Variants in SPICE1 observed in about 807,000 individuals in gnomAD.
SPICE1 encodes the protein spindle and centriole associated protein 1.
A neutral mutation model predicts 102.7 loss-of-function variants in SPICE1; 75 were observed. The observed-to-expected ratio is 0.73, with a 90% CI of 0.61 to 0.88. The LOEUF (loss-of-function observed/expected upper bound fraction) is 0.88, where lower values mean the gene tolerates loss of function less well. Ranked by LOEUF, SPICE1 falls within the 40% of genes least tolerant of loss-of-function variation. The pLI is 0.00. For synonymous variants in SPICE1, 308 were observed against 350.3 expected (o/e 0.88, Z 1.35); for missense variants, 979 against 1,020.1 (o/e 0.96, Z 0.55).
At chr3:113,480,508 T>A (rs962512344) in intron 7 of SPICE1, among the ~76,000 whole-genome samples, 2 of 152,016 alleles carry the variant, frequency 1.3e-5, no homozygotes, top group South Asian at 2.1e-4. Context: ...AAATAACACA[T>A]CATGGCCAAA....
chr3:113,452,693 A>G (rs1047498531), intron 14 of SPICE1, among the ~76,000 whole-genome samples: 6 of 137,494 alleles, frequency 4.4e-5, no homozygotes, highest in Non-Finnish European at 6.3e-5. Flanking sequence ...CAAAAAAACA[A>G]AACAGGCTGG....
intron 10 of SPICE1, among the ~76,000 whole-genome samples, chr3:113,466,007 T>C (rs1936047263): frequency 6.6e-6 from 1 of 152,234 alleles, no homozygotes; most frequent in South Asian, 2.1e-4. Context: ...AAATGCTATA[T>C]AAAATTAAGT....
intron 4 of SPICE1, among the ~76,000 whole-genome samples, chr3:113,497,707 C>CTTTTTT (rs1165475734): frequency 3.3e-5 from 3 of 91,336 alleles, no homozygotes; most frequent in Non-Finnish European, 6.1e-5. Flanking sequence ...AGAAAGAGAG[C>CTTTTTT]TTTTTTTTTT....
intron 3 of SPICE1, 61 bp from the exon 4 acceptor site, chr3:113,499,643 G>T (rs1173114337): frequency 2.7e-6 from 4 of 1,460,046 alleles, no homozygotes; most frequent in Non-Finnish European, 3.6e-6. Flanking sequence ...TGCCTATTCA[G>T]ATGATGAGAT....
intron 13 of SPICE1, among the ~76,000 whole-genome samples, chr3:113,454,846 ATGACTGATAACAAGAACT>A (rs1935744921): frequency 1.3e-5 from 2 of 152,190 alleles, no homozygotes; most frequent in South Asian, 4.1e-4. Context: ...TCAGGCATGT[ATGACTGATAACAAGAACT>A]GTTCAAGAGA....
Position 113,499,492 on chromosome 3 carries a change from G to C in SPICE1, c.238C>G (p.Gln80Glu). ...EKALKRKWRKQKPETLNLEKR... is the reference protein window; with the variant it reads ...EKALKRKWRKEKPETLNLEKR... The stretch of plus-strand genomic sequence containing the variant: ...TCAAGATTTAAAGTTTCTGGTTTCT[G>C]CTTCCTCCATTTTCTCTTCAAAGCT... The change falls in exon 4 of 18, where the codon CAG becomes GAG. Residue 80 changes from glutamine to glutamate, a missense_variant. Gln to Glu is a conservative substitution (Grantham distance 29). Transcript: ENST00000295872. The C allele has an allele frequency of 6.2e-7, 1 of 1,613,112 alleles. No individual in the cohort carries two copies. Among genetic ancestry groups the C allele is most frequent in the Non-Finnish European group, 8.5e-7 (1 of 1,179,712 alleles).
In SPICE1 at chr3:113,515,061, A is replaced by T. The variant is rs1937296695; in HGVS notation, c.-165T>A. 1 of 207,082 alleles carries T rather than the reference A, an allele frequency of 4.8e-6. No homozygotes were observed. The highest frequency in any genetic ancestry group is 9.9e-6 in the Non-Finnish European group (1 of 101,480). 12.8% of individuals were successfully genotyped at this position (207,082 alleles called of 1,614,324 possible). On this transcript the variant is annotated 5_prime_UTR_variant, in exon 1 of 18. Coordinates refer to ENST00000295872, the MANE Select transcript of SPICE1 (RefSeq NM_144718.4). ...TGGGACTGCGAGCTGCAAGCCTCAG[A>T]TCCATCATCTCAACCTGCCTTGCAG...
Position 113,468,141 on chromosome 3 carries a change from C to T in SPICE1, c.1153G>A (p.Glu385Lys). 2 of 1,614,144 alleles carry T rather than the reference C, an allele frequency of 1.2e-6. No homozygotes were observed. The highest frequency in any genetic ancestry group is 1.7e-6 in the Non-Finnish European group (2 of 1,180,016). The change falls in exon 10 of 18, where the codon GAG (glutamate) becomes AAG (lysine). Residue 385 changes from glutamate to lysine, a missense_variant and splice_region_variant. By Grantham distance (56) the Glu-to-Lys change is moderately conservative (BLOSUM62 1). Coordinates refer to ENST00000295872, the MANE Select transcript of SPICE1 (RefSeq NM_144718.4). ...SLCRLVRYLK[E>K]SEIQLRKEVE... Reference sequence around the variant, plus strand: ...CTCTACTAACCTAATGTCCTTACCTCTTTAAGGTACCGAACCAGGCGACAG... The same window carrying T: ...CTCTACTAACCTAATGTCCTTACCTTTTTAAGGTACCGAACCAGGCGACAG...
intron 1 of SPICE1, among the ~76,000 whole-genome samples, chr3:113,510,160 G>A (rs1389260778): frequency 6.6e-6 from 1 of 152,092 alleles, no homozygotes; most frequent in East Asian, 1.9e-4. Context: ...AATGAGACTG[G>A]AAGAATCAAT....
Position 113,453,932 on chromosome 3 carries a change from T to C in SPICE1, c.1676A>G (p.Gln559Arg). ...AGGAAGTCGTGGAGCAGGACGAGTT[T>C]GAACAGTCCTTCTCAATACTATAGA... Reference protein sequence around the residue: ...PLQDVLRRTVQTRPAPRLPPT... With the variant: ...PLQDVLRRTVRTRPAPRLPPT... The change falls in exon 14 of 18, where the codon CAA becomes CGA. Residue 559 changes from glutamine (Q) to arginine (R), a missense_variant. Gln to Arg is a conservative substitution (Grantham distance 43, BLOSUM62 1). Coordinates refer to ENST00000295872, the MANE Select transcript of SPICE1 (RefSeq NM_144718.4). 1.2e-6 allele frequency: 2 copies of C among 1,612,962 alleles called. No individual in the cohort carries two copies. Among genetic ancestry groups the C allele is most frequent in the Non-Finnish European group, 8.5e-7 (1 of 1,179,332 alleles).
intron 11 of SPICE1, among the ~76,000 whole-genome samples, chr3:113,464,570 T>A (rs573927121): frequency 5.9e-4 from 90 of 152,252 alleles, no homozygotes; most frequent in East Asian, 4.1e-3. Context: ...TTATCAATTT[T>A]AAAAAATTAT....
chr3:113,471,155 A>C (rs1936186584), intron 7 of SPICE1, among the ~76,000 whole-genome samples: 1 of 152,206 alleles, frequency 6.6e-6, no homozygotes, highest in Non-Finnish European at 1.5e-5. Flanking sequence ...ATAATGCCTG[A>C]AGATATTCCA....
chr3:113,470,865 C>T (rs970868985), intron 7 of SPICE1, among the ~76,000 whole-genome samples: 2 of 152,194 alleles, frequency 1.3e-5, no homozygotes, highest in African/African-American at 2.4e-5. Context: ...GATTTTCCCT[C>T]GTAAAATGGA....
chr3:113,456,984 A>G, intron 13 of SPICE1, 152 bp downstream of exon 13: 1 of 667,430 alleles, frequency 1.5e-6, no homozygotes, highest in Non-Finnish European at 2.5e-6. Context: ...GGTATGATAC[A>G]CATAGCATGA....
intron 7 of SPICE1, among the ~76,000 whole-genome samples, chr3:113,473,672 T>C (rs1230522742): frequency 6.6e-6 from 1 of 151,874 alleles, no homozygotes; most frequent in Non-Finnish European, 1.5e-5. Flanking sequence ...CAGAATTTCA[T>C]ATCCAGCCAA....
At chr3:113,468,523 C>T (rs1434688555) in intron 9 of SPICE1, 119 bp from the exon 10 acceptor site, 8 of 1,220,208 alleles carry the variant, frequency 6.6e-6, no homozygotes, top group Admixed American at 2.4e-5. Flanking sequence ...GACGATATCA[C>T]CATTTCTCTC....
In SPICE1 at chr3:113,493,639, G is replaced by A. The variant is rs554636132; in HGVS notation, c.386-327C>T. ...ACATGAAAAACTAATGATGTTTCTA[G>A]AAGATTAAGATAAACAATGAACTAC... On this transcript the variant is annotated intron_variant, in intron 5 of 17. Coordinates refer to ENST00000295872, the MANE Select transcript of SPICE1 (RefSeq NM_144718.4). 4.7e-4 allele frequency among the ~76,000 whole-genome samples: 72 copies of A among 152,250 alleles called. 1 individual carries two copies. The South Asian group carries it at 0.014, about 30-fold the overall frequency.
At chr3:113,452,904 G>C (rs1935689823) in intron 14 of SPICE1, among the ~76,000 whole-genome samples, 1 of 152,092 alleles carries the variant, frequency 6.6e-6, no homozygotes, top group Non-Finnish European at 1.5e-5. Flanking sequence ...CTTGAACCCG[G>C]GAGGCAGAGG....
At chr3:113,511,203 G>A (rs776400330) in intron 1 of SPICE1, among the ~76,000 whole-genome samples, 1 of 152,180 alleles carries the variant, frequency 6.6e-6, no homozygotes, top group African/African-American at 2.4e-5. Context: ...ACAGTGTGGC[G>A]ATTCCTCAAA....
Sources: allele counts gnomAD v4.1 joint callset (sites outside exome capture counted in the v4.1 genomes callset), GRCh38; gene constraint gnomAD v4.1.1; transcripts MANE v1.5; gene names NCBI Gene and HGNC (gene_info 2026-07-23, HGNC 2026-07-21).